Variants in EXOC6B observed in about 807,000 individuals in gnomAD.
EXOC6B encodes the protein SEC15 homolog B.
Under a neutral mutation model 113.5 loss-of-function variants are expected in EXOC6B, and 54 were observed. That is an observed-to-expected ratio of 0.48 (90% CI 0.38 to 0.60). The LOEUF is 0.60. Ranked by LOEUF, EXOC6B falls within the 20% of genes least tolerant of loss-of-function variation. EXOC6B has a pLI of 0.00. For synonymous variants in EXOC6B, 357 were observed against 339.0 expected, an observed-to-expected ratio of 1.05 and a Z score of -0.58; for missense variants, 797 against 977.5, an observed-to-expected ratio of 0.82 and a Z score of 2.46.
chr2:72,207,484 T>C (rs1383312638), intron 20 of EXOC6B, among the ~76,000 whole-genome samples: 1 of 152,190 alleles, frequency 6.6e-6, no homozygotes, highest in African/African-American at 2.4e-5. Flanking sequence ...ATTGAAATAG[T>C]TAATTCACGC....
chr2:72,788,309 A>G (rs186245890), intron 1 of EXOC6B, among the ~76,000 whole-genome samples: 28 of 152,344 alleles, frequency 1.8e-4, no homozygotes, highest in African/African-American at 6.0e-4. Context: ...CAGTACAAAT[A>G]TAAGTGTGAA....
chr2:72,361,336 G>A (rs1690303366), intron 19 of EXOC6B, among the ~76,000 whole-genome samples: 1 of 152,124 alleles, frequency 6.6e-6, no homozygotes, highest in African/African-American at 2.4e-5. Context: ...CTGATGTAAA[G>A]GTCCCTTTGC....
chr2:72,717,348 G>T (rs1207560656), intron 6 of EXOC6B, among the ~76,000 whole-genome samples: 1 of 152,018 alleles, frequency 6.6e-6, no homozygotes, highest in Non-Finnish European at 1.5e-5. Flanking sequence ...GAACACTATT[G>T]TTTACAGAAC....
At chr2:72,669,434 T>C (rs556893637) in intron 6 of EXOC6B, among the ~76,000 whole-genome samples, 2 of 151,938 alleles carry the variant, frequency 1.3e-5, no homozygotes, top group Non-Finnish European at 1.5e-5. Flanking sequence ...TTCAGAGTTT[T>C]TTTTTTACAT....
chr2:72,824,942 A>G (rs1382013463), intron 1 of EXOC6B, among the ~76,000 whole-genome samples: 1 of 152,190 alleles, frequency 6.6e-6, no homozygotes, highest in Non-Finnish European at 1.5e-5. Flanking sequence ...TGGGCAAGTC[A>G]CTTAACCTAT....
At chr2:72,709,977 G>GTA (rs1167781829) in intron 6 of EXOC6B, among the ~76,000 whole-genome samples, 1 of 152,054 alleles carries the variant, frequency 6.6e-6, no homozygotes, top group Non-Finnish European at 1.5e-5. Context: ...TCCAAAATAA[G>GTA]TTTATTTAAA....
chr2:72,752,503 G>A (rs1379245934), intron 1 of EXOC6B, among the ~76,000 whole-genome samples: 2 of 150,916 alleles, frequency 1.3e-5, no homozygotes, highest in Admixed American at 1.3e-4. Flanking sequence ...TCTCTCTTCT[G>A]ATAAATTTCC....
At position 72,715,596 on chromosome 2, in the gene EXOC6B, C is replaced by T. The variant is rs572272243; in HGVS notation, c.669+2507G>A. ...TCAAGGTCTAAGCAAGGAAATTCCCCTACTACCAGAGCAGAGGAACTTCAC... is the reference window on the plus strand; with the variant it reads ...TCAAGGTCTAAGCAAGGAAATTCCCTTACTACCAGAGCAGAGGAACTTCAC... On this transcript the variant is annotated intron_variant, in intron 6 of 21. Transcript: ENST00000272427. Among the ~76,000 whole-genome samples the T allele has an allele frequency of 1.4e-3, 213 of 152,064 alleles. 2 individuals are homozygous for T. Among genetic ancestry groups the T allele is most frequent in the African/African-American group, 5.0e-3 (206 of 41,506 alleles).
chr2:72,536,135 G>A (rs1016345185), intron 8 of EXOC6B, among the ~76,000 whole-genome samples: 7 of 152,060 alleles, frequency 4.6e-5, no homozygotes, highest in Non-Finnish European at 7.4e-5. Context: ...ATGCAGTCTT[G>A]CTATTTTTAA....
At chr2:72,523,939 G>T (rs1299065552) in intron 8 of EXOC6B, among the ~76,000 whole-genome samples, 8 of 151,846 alleles carry the variant, frequency 5.3e-5, no homozygotes, top group Admixed American at 5.2e-4. Context: ...TTAACTCTTG[G>T]ATTGAGAAGC....
chr2:72,319,039 A>G (rs1687697160), intron 20 of EXOC6B, among the ~76,000 whole-genome samples: 1 of 151,998 alleles, frequency 6.6e-6, no homozygotes, highest in African/African-American at 2.4e-5. Context: ...AACCCATAAG[A>G]ATGCTTACAA....
Position 72,791,259 on chromosome 2 carries a change from C to A in EXOC6B, c.113+34539G>T, listed in dbSNP as rs1573803062. ...TATCCTACAAATATGTACACTTTGCCAGGTGTGGTGGCTCTGGCTCGTGCC... is the reference window on the plus strand; with the variant it reads ...TATCCTACAAATATGTACACTTTGCAAGGTGTGGTGGCTCTGGCTCGTGCC... On this transcript the variant is annotated intron_variant, in intron 1 of 21. Transcript: ENST00000272427. 1.3e-5 allele frequency among the ~76,000 whole-genome samples: 2 copies of A among 152,102 alleles called. 1 individual carries two copies. The highest frequency in any genetic ancestry group is 3.9e-4 in the East Asian group (2 of 5,180).
chr2:72,658,286 T>TAAAAAAAAA (rs60572283), intron 6 of EXOC6B, among the ~76,000 whole-genome samples: 1 of 58,726 alleles, frequency 1.7e-5, no homozygotes, highest in Non-Finnish European at 3.1e-5. Context: ...TAAAAACTAG[T>TAAAAAAAAA]AAAAAAAAAA....
Position 72,399,015 on chromosome 2 carries a change from A to AG in EXOC6B, c.1981-19146_1981-19145insC, listed in dbSNP as rs199749751. On this transcript the variant is annotated intron_variant, in intron 18 of 21. Coordinates refer to ENST00000272427, the MANE Select transcript of EXOC6B (RefSeq NM_015189.3). ...AAAGCCAGGCAGTGAAAAAGAAAAAAAAAAAAAGAAAAAAATTATAAGCCA... is the reference window on the plus strand; with the variant it reads ...AAAGCCAGGCAGTGAAAAAGAAAAAAGAAAAAAAGAAAAAAATTATAAGCCA... Among the ~76,000 whole-genome samples, 949 of 151,718 alleles carry AG rather than the reference A, an allele frequency of 6.3e-3. 6 individuals carry two copies. Among genetic ancestry groups the AG allele is most frequent in the Non-Finnish European group, 0.01 (704 of 67,930 alleles).
intron 1 of EXOC6B, among the ~76,000 whole-genome samples, chr2:72,801,534 C>T (rs1685270741): frequency 6.6e-6 from 1 of 152,116 alleles, no homozygotes; most frequent in Non-Finnish European, 1.5e-5. Flanking sequence ...CTCTATCCTG[C>T]AGTAAAGGCC....
At chr2:72,487,639 G>A (rs551677284) in intron 16 of EXOC6B, among the ~76,000 whole-genome samples, 8 of 152,282 alleles carry the variant, frequency 5.3e-5, no homozygotes, top group South Asian at 2.1e-4. Flanking sequence ...GATCACAGGC[G>A]TGAGCCACTG....
intron 5 of EXOC6B, 141 bp downstream of exon 5, chr2:72,730,866 G>C (rs1680594824): frequency 9.0e-6 from 5 of 552,676 alleles, no homozygotes; most frequent in African/African-American, 2.1e-5. Context: ...AATAAATCTA[G>C]AATGAATCAA....
At chr2:72,645,423 C>T (rs1673633133) in intron 6 of EXOC6B, among the ~76,000 whole-genome samples, 1 of 152,122 alleles carries the variant, frequency 6.6e-6, no homozygotes, top group African/African-American at 2.4e-5. Flanking sequence ...TTGAACTCAG[C>T]TCTGCACCAA....
chr2:72,456,492 G>A (rs1034963136), intron 18 of EXOC6B, among the ~76,000 whole-genome samples: 5 of 152,024 alleles, frequency 3.3e-5, no homozygotes, highest in Non-Finnish European at 7.4e-5. Flanking sequence ...ATAGGACAAG[G>A]TCTTTATCCA....
Sources: allele counts gnomAD v4.1 joint callset (sites outside exome capture counted in the v4.1 genomes callset), GRCh38; gene constraint gnomAD v4.1.1; transcripts MANE v1.5; gene names NCBI Gene and HGNC (gene_info 2026-07-23, HGNC 2026-07-21).